Variants in CPNE4 observed in about 807,000 individuals in gnomAD.
CPNE4 encodes copine 4.
Under a neutral mutation model 67.9 loss-of-function variants are expected in CPNE4, and 25 were observed. That is an observed-to-expected ratio of 0.37 (90% CI 0.27 to 0.51). The LOEUF (loss-of-function observed/expected upper bound fraction) is 0.51. Among genes scored for constraint, CPNE4 ranks in the 20% least tolerant of loss-of-function variants. The pLI is 0.93. For synonymous variants in CPNE4, 242 were observed against 244.9 expected (o/e 0.99, Z 0.11); for missense variants, 464 against 690.8 (o/e 0.67, Z 3.68).
At chr3:131,589,466 AT>A (rs1311529646) in intron 7 of CPNE4, among the ~76,000 whole-genome samples, 15 of 152,202 alleles carry the variant, frequency 9.9e-5, no homozygotes, top group Non-Finnish European at 1.9e-4. Context: ...CTAGCAGCCG[AT>A]TGGATAGTGC....
chr3:131,614,031 G>A (rs554741888), intron 7 of CPNE4, among the ~76,000 whole-genome samples: 1 of 152,260 alleles, frequency 6.6e-6, no homozygotes, highest in East Asian at 1.9e-4. Context: ...CACCAGCCCC[G>A]CATAGAGAAA....
At chr3:131,829,372 A>G (rs1277656865) in intron 2 of CPNE4, among the ~76,000 whole-genome samples, 1 of 152,220 alleles carries the variant, frequency 6.6e-6, no homozygotes, top group Non-Finnish European at 1.5e-5. Flanking sequence ...ATGTACACAA[A>G]TAATATACAT....
At chr3:131,978,551 T>A (rs867650872) in intron 1 of CPNE4, among the ~76,000 whole-genome samples, 2 of 87,242 alleles carry the variant, frequency 2.3e-5, no homozygotes, top group African/African-American at 9.7e-5. Context: ...AATATATATA[T>A]ATATATATGC....
rs1170920871 is a variant in CPNE4, at chr3:131,856,187, T to C, written c.180+49077A>G. On this transcript the variant is annotated intron_variant, in intron 2 of 15. Transcript: ENST00000429747. Reference sequence around the variant, plus strand: ...AGTCTATTCAAGTTACCAAACATCTTTGGTGTACCCAATATGTGTAGAACC... The same window carrying C: ...AGTCTATTCAAGTTACCAAACATCTCTGGTGTACCCAATATGTGTAGAACC... Among the ~76,000 whole-genome samples the C allele has an allele frequency of 7.2e-5, 11 of 152,128 alleles. 1 individual carries two copies. The South Asian group carries it at 1.9e-3, about 26-fold the overall frequency.
At chr3:131,775,473 C>T (rs2083269803) in intron 2 of CPNE4, among the ~76,000 whole-genome samples, 1 of 152,084 alleles carries the variant, frequency 6.6e-6, no homozygotes, top group African/African-American at 2.4e-5. Context: ...TGAATTGTAG[C>T]TCCCACAATT....
At chr3:131,851,953 T>G (rs1263635509) in intron 2 of CPNE4, among the ~76,000 whole-genome samples, 4 of 151,952 alleles carry the variant, frequency 2.6e-5, no homozygotes, top group Admixed American at 2.0e-4. Flanking sequence ...GAATGACCCC[T>G]CCATTCATGG....
chr3:131,604,417 G>T (rs1653786118), intron 7 of CPNE4, among the ~76,000 whole-genome samples: 1 of 152,092 alleles, frequency 6.6e-6, no homozygotes, highest in Non-Finnish European at 1.5e-5. Flanking sequence ...CAACTTGATT[G>T]GGCTGAAGGA....
intron 6 of CPNE4, among the ~76,000 whole-genome samples, chr3:131,676,672 T>C (rs1193064876): frequency 6.6e-6 from 1 of 152,170 alleles, no homozygotes. Context: ...CTAAGAATAA[T>C]GGCCCCTAGC....
At chr3:131,902,565 G>C (rs764709378) in intron 2 of CPNE4, among the ~76,000 whole-genome samples, 1 of 152,046 alleles carries the variant, frequency 6.6e-6, no homozygotes, top group Non-Finnish European at 1.5e-5. Context: ...ATATTATGCA[G>C]CTTTGAAATT....
At chr3:131,893,244 T>C (rs1560552251) in intron 2 of CPNE4, among the ~76,000 whole-genome samples, 1 of 151,996 alleles carries the variant, frequency 6.6e-6, no homozygotes, top group Non-Finnish European at 1.5e-5. Context: ...AAGAGCGTTA[T>C]AATAAAGGAA....
chr3:131,815,950 T>C lies in CPNE4; in HGVS notation c.180+89314A>G, dbSNP rs1479326697. Among the ~76,000 whole-genome samples the C allele has an allele frequency of 4.6e-5, 7 of 152,280 alleles. No individual in the cohort carries two copies. The South Asian group carries it at 6.2e-4, about 14-fold the overall frequency. ...ACACCCTCCTTATATACTCAGGAGTTGGTTTTGGGAAGGGACTATTATCCT... is the reference window on the plus strand; with the variant it reads ...ACACCCTCCTTATATACTCAGGAGTCGGTTTTGGGAAGGGACTATTATCCT... On this transcript the variant is annotated intron_variant, in intron 2 of 15. Coordinates refer to ENST00000429747, the MANE Select transcript of CPNE4 (RefSeq NM_130808.3).
At chr3:131,668,522 G>A (rs10512816) in intron 7 of CPNE4, among the ~76,000 whole-genome samples, 50,100 of 151,890 alleles carry the variant, frequency 0.33, 8,635 homozygotes, top group African/African-American at 0.4. Context: ...GGCAATAACA[G>A]CAACCTTCTG....
intron 6 of CPNE4, among the ~76,000 whole-genome samples, chr3:131,678,854 C>T (rs2080655232): frequency 6.6e-6 from 1 of 152,128 alleles, no homozygotes; most frequent in East Asian, 1.9e-4. Flanking sequence ...AAGATTTTTG[C>T]ATCAGTGTTC....
intron 2 of CPNE4, among the ~76,000 whole-genome samples, chr3:131,798,147 C>G (rs1038305967): frequency 6.6e-6 from 1 of 152,170 alleles, no homozygotes; most frequent in Non-Finnish European, 1.5e-5. Flanking sequence ...AATACCATCA[C>G]TTTGGGGGTT....
intron 5 of CPNE4, among the ~76,000 whole-genome samples, chr3:131,689,867 T>C (rs1482802120): frequency 6.6e-6 from 1 of 152,194 alleles, no homozygotes; most frequent in Non-Finnish European, 1.5e-5. Flanking sequence ...AGTTTCCGAA[T>C]ACAAAGTCAA....
At position 131,879,187 on chromosome 3, in the gene CPNE4, A is replaced by G; in HGVS notation, c.180+26077T>C. Among the ~76,000 whole-genome samples the G allele has an allele frequency of 1.3e-5, 2 of 152,228 alleles. 1 individual carries two copies. The highest frequency in any genetic ancestry group is 4.1e-4 in the South Asian group (2 of 4,836). ...TAGTTTGTCAGTGAGTAAAAATCAC[A>G]TGGAGTGTATGAGATTGTCTAAGAG... On this transcript the variant is annotated intron_variant, in intron 2 of 15. Transcript: ENST00000429747.
At chr3:131,855,950 T>C (rs1208350812) in intron 2 of CPNE4, among the ~76,000 whole-genome samples, 1 of 151,962 alleles carries the variant, frequency 6.6e-6, no homozygotes, top group African/African-American at 2.4e-5. Context: ...ATGCCTGCCT[T>C]TCTGAGTTCT....
At chr3:131,821,711 A>G (rs1021565561) in intron 2 of CPNE4, among the ~76,000 whole-genome samples, 1 of 152,230 alleles carries the variant, frequency 6.6e-6, no homozygotes, top group African/African-American at 2.4e-5. Flanking sequence ...GCTGTGCACG[A>G]CAATGTAAAT....
chr3:131,705,893 C>T (rs1048733550), intron 3 of CPNE4, among the ~76,000 whole-genome samples: 2 of 152,242 alleles, frequency 1.3e-5, no homozygotes, highest in Non-Finnish European at 1.5e-5. Flanking sequence ...TGGGTAATGC[C>T]TTGTCATCAT....
Sources: gnomAD v4.1 joint callset for allele counts (sites outside exome capture counted in the v4.1 genomes callset) on GRCh38, gnomAD v4.1.1 for gene constraint, MANE v1.5 for transcripts, NCBI Gene and HGNC (gene_info 2026-07-23, HGNC 2026-07-21) for gene names.